The following WRN variants were observed in gnomAD, a reference collection of about 807,000 sequenced individuals.
WRN encodes WRN RecQ like helicase.
A neutral mutation model predicts 180.7 loss-of-function variants in WRN; 149 were observed. That is an observed-to-expected ratio of 0.82 (90% confidence interval 0.72 to 0.94). The LOEUF is 0.94. Among genes scored for constraint, WRN ranks in the 40% least tolerant of loss-of-function variants. The pLI is 0.00. For synonymous variants in WRN, 548 were observed against 568.9 expected, an observed-to-expected ratio of 0.96 and a Z score of 0.52; for missense variants, 1,661 against 1,700.1, an observed-to-expected ratio of 0.98 and a Z score of 0.40.
intron 24 of WRN, among the ~76,000 whole-genome samples, chr8:31,134,307 T>A (rs756375084): frequency 6.6e-6 from 1 of 152,192 alleles, no homozygotes; most frequent in Non-Finnish European, 1.5e-5. Flanking sequence ...CATTTTAAAC[T>A]GGGAATAATT....
intron 16 of WRN, among the ~76,000 whole-genome samples, chr8:31,093,387 C>G (rs1813835066): frequency 6.6e-6 from 1 of 152,146 alleles, no homozygotes; most frequent in Admixed American, 6.5e-5. Context: ...AGGCGTGAAC[C>G]ACCGCACCTG....
At position 31,081,063 on chromosome 8, in the gene WRN, A is replaced by G. The variant is rs1439559895; in HGVS notation, c.1036A>G (p.Thr346Ala). 8 of 1,614,052 alleles carry G rather than the reference A, an allele frequency of 5.0e-6. No individual in the cohort carries two copies. The highest frequency in any genetic ancestry group is 6.8e-6 in the Non-Finnish European group (8 of 1,179,972). ...HEVLIHVEDE[T>A]WDPTLDHLAK... is the part of the protein sequence containing the mutation. ...AGTTTTAATTCACGTTGAAGATGAA[A>G]CATGGGACCCAACACTTGATCATTT... is the stretch of plus-strand genomic sequence containing the variant. The change falls in exon 9 of 35, where the codon ACA becomes GCA. Residue 346 changes from threonine (T) to alanine (A), a missense_variant. This residue lies in a region of WRN where 500 missense variants were observed against 504.1 expected (regional missense o/e 0.99). Transcript: ENST00000298139.
intron 18 of WRN, among the ~76,000 whole-genome samples, chr8:31,110,675 A>G (rs150494986): frequency 6.6e-6 from 1 of 152,172 alleles, no homozygotes; most frequent in South Asian, 2.1e-4. Flanking sequence ...TGTATAATAG[A>G]TGCAGTGCAT....
Position 31,059,228 on chromosome 8 carries a change from G to T in WRN, c.172G>T (p.Asp58Tyr), listed in dbSNP as rs773803207. The T allele has an allele frequency of 6.2e-7, 1 of 1,613,758 alleles. No homozygotes were observed. Among genetic ancestry groups the T allele is most frequent in the Non-Finnish European group, 8.5e-7 (1 of 1,179,838 alleles). ...EFTGSIVYSYDASDCSFLSED... is the reference protein window; with the variant it reads ...EFTGSIVYSYYASDCSFLSED... ...CACTGGATCCATTGTGTATAGTTAC[G>T]ATGCTAGTGATTGCTCTTTCCTGTC... is the stretch of plus-strand genomic sequence containing the variant. The change falls in exon 3 of 35, where the codon GAT becomes TAT. Residue 58 changes from aspartate (D) to tyrosine (Y), a missense_variant. Asp to Tyr is a radical substitution (Grantham distance 160). Coordinates refer to ENST00000298139, the MANE Select transcript of WRN (RefSeq NM_000553.6).
chr8:31,114,931 T>C (rs1011029990), intron 19 of WRN, among the ~76,000 whole-genome samples: 17 of 151,172 alleles, frequency 1.1e-4, no homozygotes, highest in African/African-American at 3.7e-4. Context: ...AGTCTTGCTC[T>C]GTCGCCCAGG....
chr8:31,139,548 A>G (rs1362853019), intron 24 of WRN, among the ~76,000 whole-genome samples: 1 of 152,140 alleles, frequency 6.6e-6, no homozygotes, highest in African/African-American at 2.4e-5. Flanking sequence ...CCACTATAGC[A>G]CCTAACCCCA....
intron 1 of WRN, among the ~76,000 whole-genome samples, chr8:31,046,851 A>G (rs1441634154): frequency 6.6e-6 from 1 of 152,252 alleles, no homozygotes; most frequent in Non-Finnish European, 1.5e-5. Context: ...GTAGAAAAAT[A>G]ATTAGACTGG....
At chr8:31,109,147 C>T (rs1801207963) in intron 18 of WRN, among the ~76,000 whole-genome samples, 1 of 152,194 alleles carries the variant, frequency 6.6e-6, no homozygotes, top group Admixed American at 6.5e-5. Context: ...GGTCTATTCC[C>T]AGACAGCAAC....
chr8:31,044,028 G>T (rs528887416), intron 1 of WRN, among the ~76,000 whole-genome samples: 1 of 152,004 alleles, frequency 6.6e-6, no homozygotes, highest in Non-Finnish European at 1.5e-5. Flanking sequence ...TATATACATA[G>T]AATTTCATTT....
At chr8:31,071,748 C>G (rs1489643599) in intron 7 of WRN, among the ~76,000 whole-genome samples, 1 of 152,166 alleles carries the variant, frequency 6.6e-6, no homozygotes. Flanking sequence ...TCCCAAAGTG[C>G]TAGAATTATA....
intron 23 of WRN, among the ~76,000 whole-genome samples, chr8:31,130,088 C>T (rs1802101280): frequency 6.7e-6 from 1 of 149,108 alleles, no homozygotes; most frequent in Middle Eastern, 3.2e-3. Context: ...CTTTGGGAGA[C>T]TGAGGAGAGA....
chr8:31,126,757 T>C (rs1801945775), intron 23 of WRN, among the ~76,000 whole-genome samples: 1 of 152,078 alleles, frequency 6.6e-6, no homozygotes, highest in African/African-American at 2.4e-5. Context: ...TGTCAGTGAA[T>C]AGAAAATGGG....
At chr8:31,076,436 G>A in intron 8 of WRN, 149 bp downstream of exon 8, 1 of 675,084 alleles carries the variant, frequency 1.5e-6, no homozygotes, top group Non-Finnish European at 2.6e-6. Flanking sequence ...ATAAATTTGA[G>A]AAATATCTTT....
chr8:31,067,013 T>C lies in WRN; in HGVS notation c.505-20T>C. On this transcript the variant is annotated intron_variant, in intron 5 of 34. Transcript: ENST00000298139. ...AAAACAGGAACTGATTTTACTGTGT[T>C]GCTTTTTCATCATTTCTAGCTGAAA... The C allele has an allele frequency of 2.5e-6, 4 of 1,613,350 alleles. No individual in the cohort carries two copies. The highest frequency in any genetic ancestry group is 2.5e-6 in the Non-Finnish European group (3 of 1,179,752).
At chr8:31,120,544 A>C in intron 21 of WRN, 120 bp downstream of exon 21, 1 of 807,112 alleles carries the variant, frequency 1.2e-6, no homozygotes, top group East Asian at 3.3e-5. Flanking sequence ...TTTAAAGTAA[A>C]AAAAAAAAAA....
intron 16 of WRN, among the ~76,000 whole-genome samples, chr8:31,095,141 C>A (rs1301736073): frequency 1.3e-5 from 2 of 152,244 alleles, no homozygotes; most frequent in East Asian, 3.9e-4. Context: ...TTAAGCCATT[C>A]TAATAGTATC....
chr8:31,059,701 A>G (rs1303619255), intron 3 of WRN, among the ~76,000 whole-genome samples: 1 of 152,210 alleles, frequency 6.6e-6, no homozygotes, highest in African/African-American at 2.4e-5. Flanking sequence ...AATGGCTATG[A>G]TCGGCTCTGT....
intron 18 of WRN, among the ~76,000 whole-genome samples, chr8:31,107,430 C>T (rs912049652): frequency 6.6e-6 from 1 of 152,134 alleles, no homozygotes; most frequent in Admixed American, 6.5e-5. Context: ...CCATGGACGT[C>T]ATTGGATCAT....
At chr8:31,094,079 G>T (rs550902336) in intron 16 of WRN, among the ~76,000 whole-genome samples, 2 of 152,250 alleles carry the variant, frequency 1.3e-5, no homozygotes, top group African/African-American at 4.8e-5. Flanking sequence ...GTAAGTCTTT[G>T]TATGGACATA....
Sources: gnomAD v4.1 joint callset for allele counts (sites outside exome capture counted in the v4.1 genomes callset) on GRCh38, gnomAD v4.1.1 for gene constraint, gnomAD v4.1.1 regional missense constraint, MANE v1.5 for transcripts, NCBI Gene and HGNC (gene_info 2026-07-23, HGNC 2026-07-21) for gene names.